Variants in LPIN2 observed in about 807,000 individuals in gnomAD.
LPIN2 encodes the protein phosphatidate phosphatase LPIN2.
Under a neutral mutation model 111.4 loss-of-function variants are expected in LPIN2, and 55 were observed. The ratio of observed to expected loss-of-function variants is 0.49; its 90% CI spans 0.40 to 0.62. LPIN2 has a LOEUF of 0.62. LPIN2 is among the 20% of genes least tolerant of loss of function. The pLI, the probability that LPIN2 is intolerant of heterozygous loss-of-function variation, is 0.00. For synonymous variants in LPIN2, 425 were observed against 414.0 expected (o/e 1.03, Z -0.32); for missense variants, 992 against 1,112.1 (o/e 0.89, Z 1.54).
rs568659782 is a variant in LPIN2 at position 2,956,518 on chromosome 18, G to A, written c.193-1919C>T. ...TAATGCCAGAGCTGAGGCAGGGAAA[G>A]TAGCTTCTTCTGGAACACCTTCTGG... On this transcript the variant is annotated intron_variant, in intron 2 of 19. Coordinates refer to ENST00000677752, the MANE Select transcript of LPIN2 (RefSeq NM_001375808.2). Among the ~76,000 whole-genome samples, 185 of 152,336 alleles carry A rather than the reference G, an allele frequency of 1.2e-3. 1 individual carries two copies. The highest frequency in any genetic ancestry group is 7.7e-3 in the South Asian group (37 of 4,830).
intron 17 of LPIN2, 58 bp downstream of exon 17, chr18:2,921,989 G>A (rs2077061018): frequency 1.3e-6 from 2 of 1,564,662 alleles, no homozygotes; most frequent in African/African-American, 2.7e-5. Context: ...CCCACCTTGG[G>A]CCCAGCCCCG....
In LPIN2 at chr18:2,951,127, G is replaced by A. The variant is rs776916078; in HGVS notation, c.518C>T (p.Ala173Val). 1.9e-6 allele frequency: 3 copies of A among 1,614,180 alleles called. No homozygotes were observed. Among genetic ancestry groups the A allele is most frequent in the Non-Finnish European group, 2.5e-6 (3 of 1,180,040 alleles). Residue 173 changes from alanine to valine, a missense_variant, in exon 4 of 20, where the codon GCA becomes GTA. Ala to Val is a moderately conservative substitution (Grantham distance 64). Coordinates refer to ENST00000677752, the MANE Select transcript of LPIN2 (RefSeq NM_001375808.2). ...ACATGTGTCTTCTGCAGCAGCAGAT[G>A]CGGCCTGCTCTTCCTTCTTACTGTC... Reference protein sequence around the residue: ...KQDSKKEEQAASAAAEDTCDV... With the variant: ...KQDSKKEEQAVSAAAEDTCDV...
Position 2,997,664 on chromosome 18 carries a change from G to A in LPIN2, c.-10+15423C>T, listed in dbSNP as rs185936795. Among the ~76,000 whole-genome samples, 4 of 152,240 alleles carry A rather than the reference G, an allele frequency of 2.6e-5. No individual in the cohort carries two copies. The East Asian group carries it at 5.8e-4, about 22-fold the overall frequency. On this transcript the variant is annotated intron_variant, in intron 1 of 19. Coordinates refer to ENST00000677752, the MANE Select transcript of LPIN2 (RefSeq NM_001375808.2). Reference sequence around the variant, plus strand: ...CATTGTTTAATGACTCCTGTGGGGGGAGAGCAGGCTCTTCCATAATTACTA... The same window carrying A: ...CATTGTTTAATGACTCCTGTGGGGGAAGAGCAGGCTCTTCCATAATTACTA...
chr18:2,981,276 A>T (rs975691402), intron 1 of LPIN2, among the ~76,000 whole-genome samples: 1 of 152,212 alleles, frequency 6.6e-6, no homozygotes, highest in Non-Finnish European at 1.5e-5. Flanking sequence ...TATAAAGTCA[A>T]ACTCCTATAT....
At chr18:2,922,258 AAAC>A (rs1224821179) in intron 16 of LPIN2, 59 bp from the exon 17 acceptor site, 1 of 1,568,812 alleles carries the variant, frequency 6.4e-7, no homozygotes, top group Non-Finnish European at 8.7e-7. Context: ...AGAAAACAAA[AAAC>A]AAAAAAAAAA....
rs762442011 is a variant in LPIN2, at chr18:2,921,628, GTTTCT to G, written c.2342_2346del (p.Lys781ThrfsTer7). On this transcript the variant is annotated frameshift_variant, in exon 18 of 20. Coordinates refer to ENST00000677752, the MANE Select transcript of LPIN2 (RefSeq NM_001375808.2). LOFTEE classifies it high-confidence loss of function. ...AGACACTCAATTTTGAACTTCTCTG[GTTTCT>G]TTTCTATCACTTCTCTAAGAAAAAA... The G allele has an allele frequency of 5.0e-6, 8 of 1,611,246 alleles. No homozygotes were observed. The highest frequency in any genetic ancestry group is 4.5e-5 in the East Asian group (2 of 44,864).
intron 1 of LPIN2, among the ~76,000 whole-genome samples, chr18:2,975,668 T>A (rs906858569): frequency 6.6e-6 from 1 of 152,186 alleles, no homozygotes; most frequent in African/African-American, 2.4e-5. Context: ...GTTATGAACA[T>A]AAAAGTGTGT....
chr18:2,957,270 G>A (rs2077627564), intron 2 of LPIN2, among the ~76,000 whole-genome samples: 1 of 152,112 alleles, frequency 6.6e-6, no homozygotes, highest in Admixed American at 6.5e-5. Flanking sequence ...TACAAGCTGA[G>A]TGTCTCAAAT....
rs766022990 is a variant in LPIN2 at position 2,920,199 on chromosome 18, G to A, written c.*94C>T. 2.6e-6 allele frequency: 4 copies of A among 1,551,710 alleles called. No homozygotes were observed. The highest frequency in any genetic ancestry group is 1.1e-5 in the South Asian group (1 of 89,416). ...CTCCAGAAGCACCCGTCCCCGCTGGGGAAGGCTGGTATCTGAGGTCAGCAG... is the reference window on the plus strand; with the variant it reads ...CTCCAGAAGCACCCGTCCCCGCTGGAGAAGGCTGGTATCTGAGGTCAGCAG... On this transcript the variant is annotated 3_prime_UTR_variant, in exon 20 of 20. Coordinates refer to ENST00000677752, the MANE Select transcript of LPIN2 (RefSeq NM_001375808.2).
intron 9 of LPIN2, among the ~76,000 whole-genome samples, chr18:2,930,318 A>T (rs963863454): frequency 2.6e-5 from 4 of 152,264 alleles, no homozygotes; most frequent in African/African-American, 9.6e-5. Flanking sequence ...GATTACAGAA[A>T]GAATGTGACC....
At chr18:2,926,568 G>C (rs1215868969) in intron 13 of LPIN2, among the ~76,000 whole-genome samples, 155 bp downstream of exon 13, 1 of 152,184 alleles carries the variant, frequency 6.6e-6, no homozygotes, top group Non-Finnish European at 1.5e-5. Context: ...TAGAAAAGCA[G>C]TTGTCATCTG....
intron 1 of LPIN2, among the ~76,000 whole-genome samples, chr18:2,987,539 T>A (rs1020447244): frequency 1.3e-5 from 2 of 152,176 alleles, no homozygotes; most frequent in African/African-American, 4.8e-5. Context: ...TTCAGGTCCA[T>A]CTTTGACTCC....
Position 2,937,805 on chromosome 18 carries a change from C to G in LPIN2, c.1055G>C (p.Ser352Thr), listed in dbSNP as rs1265532295. 1 of 1,613,982 alleles carries G rather than the reference C, an allele frequency of 6.2e-7. No individual in the cohort carries two copies. Among genetic ancestry groups the G allele is most frequent in the African/African-American group, 1.3e-5 (1 of 74,886 alleles). ...ATCTAACATAGATGAAATCTGAGTA[C>G]TCTCAAGAGGAGGTTCGAGAAGCTC... ...VAELLEPPLE[S>T]TQISSMLDAD... The change falls in exon 7 of 20, where the codon AGT (serine) becomes ACT (threonine). Residue 352 changes from serine to threonine, a missense_variant. Around this residue, in one of 4 missense-constraint regions of LPIN2, gnomAD observed 709 missense variants for 753.2 expected, o/e 0.94. Transcript: ENST00000677752.
chr18:2,984,272 T>C (rs959022862), intron 1 of LPIN2, among the ~76,000 whole-genome samples: 2 of 152,188 alleles, frequency 1.3e-5, no homozygotes, highest in Admixed American at 1.3e-4. Context: ...TAGCCCAGCA[T>C]AGTATCGTGG....
chr18:3,002,033 AAAAC>A (rs1465680716), intron 1 of LPIN2, among the ~76,000 whole-genome samples: 1 of 152,130 alleles, frequency 6.6e-6, no homozygotes, highest in Non-Finnish European at 1.5e-5. Context: ...TTAGTAAGAC[AAAAC>A]AAACAAACCA....
intron 8 of LPIN2, among the ~76,000 whole-genome samples, chr18:2,932,886 C>T (rs1261953852): frequency 6.6e-6 from 1 of 152,202 alleles, no homozygotes; most frequent in Non-Finnish European, 1.5e-5. Flanking sequence ...AACACCAACA[C>T]AGAGCATTCT....
chr18:2,922,875 C>G (rs1447529523), intron 16 of LPIN2, among the ~76,000 whole-genome samples: 1 of 152,156 alleles, frequency 6.6e-6, no homozygotes, highest in Admixed American at 6.5e-5. Context: ...AGGCAATGTG[C>G]AAGATGCAAA....
At chr18:2,939,220 T>C (rs1001688786) in intron 6 of LPIN2, among the ~76,000 whole-genome samples, 15 of 152,386 alleles carry the variant, frequency 9.8e-5, no homozygotes, top group African/African-American at 3.6e-4. Flanking sequence ...CCTTTTAAAA[T>C]GTCCTTATAA....
In LPIN2 at chr18:2,958,003, G is replaced by A. The variant is rs974463637; in HGVS notation, c.192+2646C>T. 4.6e-5 allele frequency among the ~76,000 whole-genome samples: 7 copies of A among 151,488 alleles called. No individual in the cohort carries two copies. The East Asian group carries it at 5.9e-4, about 13-fold the overall frequency. On this transcript the variant is annotated intron_variant, in intron 2 of 19. Transcript: ENST00000677752. Reference sequence around the variant, plus strand: ...CTAAAAACACAAAAAGCAGCCAGGCGTGGTAGCACGCGCCTATAATCCCAG... The same window carrying A: ...CTAAAAACACAAAAAGCAGCCAGGCATGGTAGCACGCGCCTATAATCCCAG...
Sources: gnomAD v4.1 joint callset for allele counts (sites outside exome capture counted in the v4.1 genomes callset) on GRCh38, gnomAD v4.1.1 for gene constraint, gnomAD v4.1.1 regional missense constraint, MANE v1.5 for transcripts, NCBI Gene and HGNC (gene_info 2026-07-23, HGNC 2026-07-21) for gene names.